ERBB3: variants seen among roughly 807,000 people sequenced by gnomAD.
ERBB3 encodes the protein receptor tyrosine-protein kinase erbB-3.
In ERBB3, 96 loss-of-function variants were observed where a neutral mutation model predicts 156.7. That is an observed-to-expected ratio of 0.61 (90% CI 0.52 to 0.73). The LOEUF (loss-of-function observed/expected upper bound fraction) is 0.73. Ranked by LOEUF, ERBB3 falls within the 30% of genes least tolerant of loss-of-function variation. The probability of loss-of-function intolerance (pLI) is 0.00; values close to 1 mark genes in which losing one functional copy is unlikely to be tolerated. For synonymous variants in ERBB3, 567 were observed against 632.0 expected (o/e 0.90, Z 1.54); for missense variants, 1,406 against 1,709.4 (o/e 0.82, Z 3.13).
Position 56,102,806 on chromosome 12 carries a change from T to A in ERBB3, c.*751T>A, listed in dbSNP as rs1335745572. On this transcript the variant is annotated 3_prime_UTR_variant, in exon 28 of 28. Transcript: ENST00000267101. ...CAACATAGTAAGACCCCCATCTCTT[T>A]AAAAAAAAAAAAAAAAAAAAAAAAA... The A allele has an allele frequency of 3.1e-3, 176 of 56,090 alleles. 1 individual carries two copies. The highest frequency in any genetic ancestry group is 9.2e-3 in the East Asian group (34 of 3,700). The allele number at this position is 56,090 out of a possible 1,614,324, so 3.5% of individuals were successfully genotyped here.
intron 9 of ERBB3, among the ~76,000 whole-genome samples, chr12:56,091,785 A>G (rs1432878782): frequency 1.3e-5 from 2 of 152,020 alleles, no homozygotes; most frequent in Non-Finnish European, 2.9e-5. Flanking sequence ...TAAAGTTACT[A>G]TTTTTCCATT....
Position 56,101,590 on chromosome 12 carries a change from TGAA to T in ERBB3, c.3573_3575del (p.Glu1191del), listed in dbSNP as rs780883720. ...TGGGTCTCAGTTCTGTCCTGGGTAC[TGAA>T]GAAGAAGATGAAGATGAGGAGTATG... On this transcript the variant is annotated inframe_deletion, in exon 28 of 28. Transcript: ENST00000267101. 110 of 1,613,904 alleles carry T rather than the reference TGAA, an allele frequency of 6.8e-5. No individual in the cohort carries two copies. Among genetic ancestry groups the T allele is most frequent in the Admixed American group, 1.2e-4 (7 of 59,986 alleles).
chr12:56,093,261 C>A (rs1868774681), intron 11 of ERBB3, 84 bp from the exon 12 acceptor site: 1 of 1,370,132 alleles, frequency 7.3e-7, no homozygotes, highest in Non-Finnish European at 1.0e-6. Context: ...TAGCACTGAG[C>A]AAATTTCTTG....
chr12:56,093,748 A>AC lies in ERBB3; in HGVS notation c.1481-12dup. 6.2e-7 allele frequency: 1 copy of AC among 1,613,958 alleles called. No individual in the cohort carries two copies. Among genetic ancestry groups the AC allele is most frequent in the Non-Finnish European group, 8.5e-7 (1 of 1,179,972 alleles). ...AGTCCTCAGACTCCTCTCCTAACCC[A>AC]CCCCTTCCTTTCCAGTGGCAGAGGG... On this transcript the variant is annotated splice_polypyrimidine_tract_variant and intron_variant, in intron 12 of 27. Transcript: ENST00000267101.
chr12:56,089,925 A>C (rs1296705900), intron 9 of ERBB3, among the ~76,000 whole-genome samples: 2 of 81,214 alleles, frequency 2.5e-5, no homozygotes, highest in South Asian at 3.4e-4. Flanking sequence ...TTTTCCTTTA[A>C]TTTTTTATTT....
chr12:56,086,755 C>A, intron 4 of ERBB3, 99 bp downstream of exon 4: 1 of 1,475,726 alleles, frequency 6.8e-7, no homozygotes, highest in South Asian at 1.1e-5. Flanking sequence ...CCCGCCTCCC[C>A]AGTGAACAAA....
At chr12:56,083,995 C>A in intron 2 of ERBB3, 93 bp downstream of exon 2, 1 of 1,290,168 alleles carries the variant, frequency 7.8e-7, no homozygotes, top group Non-Finnish European at 1.1e-6. Flanking sequence ...TGCTGGAGTT[C>A]ACCCTTCCTA....
Position 56,098,484 on chromosome 12 carries a change from T to C in ERBB3, c.2617-16T>C. 2 of 1,577,838 alleles carry C rather than the reference T, an allele frequency of 1.3e-6. No individual in the cohort carries two copies. The highest frequency in any genetic ancestry group is 1.7e-6 in the Non-Finnish European group (2 of 1,146,948). The stretch of plus-strand genomic sequence containing the variant: ...TGTGGAAATAAACTTGTGATACCTC[T>C]ATCTTTAATCCGCAGACTCCAATTA... On this transcript the variant is annotated splice_polypyrimidine_tract_variant and intron_variant, in intron 21 of 27. Coordinates refer to ENST00000267101, the MANE Select transcript of ERBB3 (RefSeq NM_001982.4).
intron 9 of ERBB3, among the ~76,000 whole-genome samples, chr12:56,089,722 C>T (rs1351176929): frequency 9.3e-5 from 14 of 150,670 alleles, no homozygotes; most frequent in Non-Finnish European, 1.6e-4. Context: ...TCCAGCCTGG[C>T]GACAGAGCGA....
At chr12:56,097,641 A>G in intron 20 of ERBB3, 144 bp from the exon 21 acceptor site, 1 of 847,220 alleles carries the variant, frequency 1.2e-6, no homozygotes, top group Non-Finnish European at 2.0e-6. Context: ...CCCCTGGAAA[A>G]ACTGTCTTCC....
chr12:56,087,484 T>G, intron 4 of ERBB3, 93 bp from the exon 5 acceptor site: 1 of 1,075,200 alleles, frequency 9.3e-7, no homozygotes, highest in Non-Finnish European at 1.5e-6. Flanking sequence ...TTCCCGGGAT[T>G]GAGGTGCCTG....
chr12:56,088,097 T>C lies in ERBB3; in HGVS notation c.809T>C (p.Phe270Ser). 6.2e-7 allele frequency: 1 copy of C among 1,614,160 alleles called. No individual in the cohort carries two copies. Among genetic ancestry groups the C allele is most frequent in the South Asian group, 1.1e-5 (1 of 91,066 alleles). The change falls in exon 7 of 28, where the codon TTC becomes TCC. Residue 270 changes from phenylalanine to serine, a missense_variant. Physicochemically the swap from Phe to Ser is radical, Grantham distance 155 (BLOSUM62 -2). This residue lies in a region of ERBB3 where 979 missense variants were observed against 1,219.6 expected (regional missense o/e 0.80). Coordinates refer to ENST00000267101, the MANE Select transcript of ERBB3 (RefSeq NM_001982.4). ...PQPLVYNKLTFQLEPNPHTKY... is the reference protein window; with the variant it reads ...PQPLVYNKLTSQLEPNPHTKY... ...CCTCTTGTCTACAACAAGCTAACTT[T>C]CCAGCTGGAACCCAATCCCCACACC... is the stretch of plus-strand genomic sequence containing the variant.
chr12:56,085,636 C>T (rs1359000484), intron 3 of ERBB3: 2 of 215,020 alleles, frequency 9.3e-6, no homozygotes, highest in African/African-American at 4.6e-5. Flanking sequence ...TAGTGGTGCG[C>T]ACCTGTAATC....
chr12:56,080,696 A>G (rs4759229), intron 1 of ERBB3, among the ~76,000 whole-genome samples: 102,538 of 152,060 alleles, frequency 0.67, 34,750 homozygotes, highest in East Asian at 0.78. Flanking sequence ...GGAGCAGGGA[A>G]CTTCATTCTG....
intron 4 of ERBB3, 53 bp downstream of exon 4, chr12:56,086,709 C>T: frequency 6.2e-7 from 1 of 1,608,960 alleles, no homozygotes; most frequent in Non-Finnish European, 8.5e-7. Context: ...CAGAGTGACT[C>T]CCTTCTTTCC....
rs145070592 is a variant in ERBB3 at position 56,103,433 on chromosome 12, G to GTC, written c.*1380_*1381dup. ...CTTGGATGGGGAACTAAGGGAAAACGTCTGTTGTATCACTGAAGTTTTTTG... is the reference window on the plus strand; with the variant it reads ...CTTGGATGGGGAACTAAGGGAAAACGTCTCTGTTGTATCACTGAAGTTTTTTG... On this transcript the variant is annotated 3_prime_UTR_variant, in exon 28 of 28. Coordinates refer to ENST00000267101, the MANE Select transcript of ERBB3 (RefSeq NM_001982.4). 0.058 allele frequency: 12,325 copies of GTC among 211,360 alleles called. 1,557 individuals are homozygous for GTC. The highest frequency in any genetic ancestry group is 0.26 in the African/African-American group (11,609 of 44,118). 13.1% of individuals were successfully genotyped at this position (211,360 alleles called of 1,614,324 possible).
chr12:56,092,253 G>A (rs540442776), intron 9 of ERBB3, among the ~76,000 whole-genome samples: 2 of 151,844 alleles, frequency 1.3e-5, no homozygotes, highest in Non-Finnish European at 2.9e-5. Context: ...GCCAGGCATG[G>A]TGGTGTGCTC....
rs1311698886 is a variant in ERBB3 at position 56,102,065 on chromosome 12, C to T, written c.*10C>T. ...TGCCCAGAGAACGTAACTCCTGCTCCCTGTGGCACTCAGGGAGCATTTAAT... is the reference window on the plus strand; with the variant it reads ...TGCCCAGAGAACGTAACTCCTGCTCTCTGTGGCACTCAGGGAGCATTTAAT... On this transcript the variant is annotated 3_prime_UTR_variant, in exon 28 of 28. Transcript: ENST00000267101. 6.2e-7 allele frequency: 1 copy of T among 1,604,744 alleles called. No individual in the cohort carries two copies. Among genetic ancestry groups the T allele is most frequent in the East Asian group, 2.2e-5 (1 of 44,882 alleles).
Position 56,098,612 on chromosome 12 carries a change from C to A in ERBB3, c.2692+37C>A. 5 of 1,592,274 alleles carry A rather than the reference C, an allele frequency of 3.1e-6. No homozygotes were observed. The Middle Eastern group carries it at 5.0e-4, about 159-fold the overall frequency. On this transcript the variant is annotated intron_variant, in intron 22 of 27. Coordinates refer to ENST00000267101, the MANE Select transcript of ERBB3 (RefSeq NM_001982.4). ...TGGATGCCCTCTCTACCATCACTGGCCCCAGTTTCAAATTTACCTTTTGAG... is the reference window on the plus strand; with the variant it reads ...TGGATGCCCTCTCTACCATCACTGGACCCAGTTTCAAATTTACCTTTTGAG...
Sources: allele counts gnomAD v4.1 joint callset (sites outside exome capture counted in the v4.1 genomes callset), GRCh38; gene constraint gnomAD v4.1.1; regional missense constraint gnomAD v4.1.1; transcripts MANE v1.5; gene names NCBI Gene and HGNC (gene_info 2026-07-23, HGNC 2026-07-21).